The following PRORP variants were observed in gnomAD, a reference collection of about 807,000 sequenced individuals.
The protein encoded by PRORP is mitochondrial ribonuclease P catalytic subunit.
PRORP carries 51 observed loss-of-function variants against 59.4 expected under a neutral mutation model. The ratio of observed to expected loss-of-function variants is 0.86; its 90% confidence interval spans 0.69 to 1.08. The LOEUF is 1.08. Ranked by LOEUF, PRORP falls within the 50% of genes least tolerant of loss-of-function variation. The pLI, the probability that PRORP is intolerant of heterozygous loss-of-function variation, is 0.00. For missense variants in PRORP, 646 were observed against 690.3 expected, an observed-to-expected ratio of 0.94 and a Z score of 0.72; for synonymous variants, 231 against 245.6, an observed-to-expected ratio of 0.94 and a Z score of 0.55.
rs7145645 is a variant in PRORP, at chr14:35,138,716, G to T, written c.1167+11105G>T. Among the ~76,000 whole-genome samples, 3 of 144,282 alleles carry T rather than the reference G, an allele frequency of 2.1e-5. 1 individual carries two copies. The highest frequency in any genetic ancestry group is 4.9e-5 in the African/African-American group (2 of 40,780). 94.7% of individuals were successfully genotyped at this position (144,282 alleles called of 152,430 possible). A position where few individuals can be genotyped will look rare whatever the true frequency, so the allele number is the denominator to read the frequency against. On this transcript the variant is annotated intron_variant, in intron 4 of 7. Transcript: ENST00000534898. ...ATTAGATGACACCCTCTAATGTAGC[G>T]GCTTTCAACTGTGGCTGCTGGTTAG...
Position 35,123,333 on chromosome 14 carries a change from T to C in PRORP, c.88T>C (p.Ser30Pro). 1.2e-6 allele frequency: 2 copies of C among 1,614,052 alleles called. No homozygotes were observed. The highest frequency in any genetic ancestry group is 1.7e-6 in the Non-Finnish European group (2 of 1,180,042). Residue 30 changes from serine to proline, a missense_variant, in exon 2 of 8, where the codon TCG (serine) becomes CCG (proline). Transcript: ENST00000534898. The stretch of plus-strand genomic sequence containing the variant: ...GCTAGGCCCAGGGCACTCTTATGTC[T>C]CGCTGTTTCTGGCAGACCGCTGTGG... ...LGLGPGHSYVSLFLADRCGIR... is the reference protein window; with the variant it reads ...LGLGPGHSYVPLFLADRCGIR...
chr14:35,175,857 A>G (rs1360093999), intron 4 of PRORP, among the ~76,000 whole-genome samples: 20 of 152,112 alleles, frequency 1.3e-4, no homozygotes, highest in African/African-American at 3.4e-4. Context: ...TTTCTTCTAG[A>G]GTTTTTATGG....
At chr14:35,130,645 G>A (rs554044715) in intron 4 of PRORP, among the ~76,000 whole-genome samples, 6 of 151,550 alleles carry the variant, frequency 4.0e-5, no homozygotes, top group East Asian at 2.0e-4. Context: ...CACCAGACCC[G>A]GCTAATTTTT....
chr14:35,132,902 T>TTTTTG (rs142726818), intron 4 of PRORP, among the ~76,000 whole-genome samples: 2,343 of 151,258 alleles, frequency 0.015, 72 homozygotes, highest in African/African-American at 0.052. Flanking sequence ...AGTTAGTGTT[T>TTTTTG]TTTTGTTTTG....
chr14:35,195,594 A>G (rs540991676), intron 5 of PRORP, among the ~76,000 whole-genome samples: 2 of 152,238 alleles, frequency 1.3e-5, no homozygotes, highest in South Asian at 2.1e-4. Context: ...CATATTTTAA[A>G]GATAAGAAAC....
intron 5 of PRORP, among the ~76,000 whole-genome samples, chr14:35,199,312 C>T (rs796516724): frequency 2.9e-5 from 4 of 138,222 alleles, no homozygotes; most frequent in African/African-American, 1.1e-4. Context: ...TCCAGCCTGG[C>T]GAGAGAGTGA....
At chr14:35,126,034 T>A (rs1239802326) in intron 2 of PRORP, among the ~76,000 whole-genome samples, 1 of 151,760 alleles carries the variant, frequency 6.6e-6, no homozygotes, top group East Asian at 1.9e-4. Flanking sequence ...AAGAAAAAAA[T>A]AATGCTGGAA....
intron 5 of PRORP, among the ~76,000 whole-genome samples, chr14:35,193,566 A>G (rs1441715645): frequency 6.6e-6 from 1 of 151,370 alleles, no homozygotes; most frequent in Non-Finnish European, 1.5e-5. Context: ...AAAAGTTTCA[A>G]TACCATAAAG....
chr14:35,190,757 C>T (rs1292633468), intron 5 of PRORP, among the ~76,000 whole-genome samples: 1 of 152,112 alleles, frequency 6.6e-6, no homozygotes, highest in African/African-American at 2.4e-5. Context: ...GACTACTTGG[C>T]CTCCCTAAGT....
intron 5 of PRORP, among the ~76,000 whole-genome samples, chr14:35,220,649 A>C (rs1212506556): frequency 6.6e-6 from 1 of 152,232 alleles, no homozygotes; most frequent in Non-Finnish European, 1.5e-5. Flanking sequence ...AGTCTTCCTC[A>C]TGATAGCCAT....
rs2047129999 is a variant in PRORP, at chr14:35,127,602, AAC to A, written c.1161_1162del (p.Pro388SerfsTer4). On this transcript the variant is annotated frameshift_variant, in exon 4 of 8. Coordinates refer to ENST00000534898, the MANE Select transcript of PRORP (RefSeq NM_014672.4). LOFTEE classifies it high-confidence loss of function. ...IDGGDQYRKT[T>X]PQELKRFENF... ...ATGGAGGTGACCAGTACAGAAAGAC[AAC>A]ACCTCAGGTGAGTCTAACAAGTTTT... is the stretch of plus-strand genomic sequence containing the variant. 1.2e-6 allele frequency: 2 copies of A among 1,613,930 alleles called. No individual in the cohort carries two copies. Among genetic ancestry groups the A allele is most frequent in the Non-Finnish European group, 1.7e-6 (2 of 1,179,980 alleles).
At chr14:35,262,750 A>G in intron 5 of PRORP, 2 of 1,006,150 alleles carry the variant, frequency 2.0e-6, no homozygotes, top group Non-Finnish European at 3.2e-6. Context: ...GTGTATGCTC[A>G]CTTCCCCATC....
chr14:35,257,748 T>C (rs2050796247), intron 5 of PRORP, among the ~76,000 whole-genome samples: 1 of 152,288 alleles, frequency 6.6e-6, no homozygotes, highest in South Asian at 2.1e-4. Context: ...AGACATCAGA[T>C]CCCAAAGGCT....
chr14:35,213,455 A>T (rs1175088016), intron 5 of PRORP, among the ~76,000 whole-genome samples: 3 of 152,138 alleles, frequency 2.0e-5, no homozygotes, highest in Non-Finnish European at 2.9e-5. Flanking sequence ...AAATAAAGGA[A>T]AAAAACCTTT....
At chr14:35,185,501 A>G (rs2048719516) in intron 5 of PRORP, among the ~76,000 whole-genome samples, 1 of 152,226 alleles carries the variant, frequency 6.6e-6, no homozygotes, top group Non-Finnish European at 1.5e-5. Flanking sequence ...TTTTAAAGCA[A>G]GAAGAGGTTG....
At chr14:35,268,155 C>G (rs56173141) in intron 6 of PRORP, among the ~76,000 whole-genome samples, 28,642 of 151,856 alleles carry the variant, frequency 0.19, 3,456 homozygotes, top group East Asian at 0.32. Flanking sequence ...TGAGACCAGC[C>G]TGGCCAACAT....
At chr14:35,135,665 C>T (rs569557360) in intron 4 of PRORP, among the ~76,000 whole-genome samples, 5 of 152,130 alleles carry the variant, frequency 3.3e-5, no homozygotes, top group Admixed American at 1.3e-4. Context: ...GAGCCATTAA[C>T]GTGTTTTAAG....
At chr14:35,226,968 T>C (rs915292771) in intron 5 of PRORP, among the ~76,000 whole-genome samples, 1 of 151,114 alleles carries the variant, frequency 6.6e-6, no homozygotes, top group Non-Finnish European at 1.5e-5. Flanking sequence ...ACTCCTAAGC[T>C]CAAGCGATCC....
At chr14:35,195,297 T>C (rs942206379) in intron 5 of PRORP, among the ~76,000 whole-genome samples, 1 of 152,116 alleles carries the variant, frequency 6.6e-6, no homozygotes, top group African/African-American at 2.4e-5. Flanking sequence ...TCATTGTATC[T>C]CTGTAATAGC....
Sources: allele counts gnomAD v4.1 joint callset (sites outside exome capture counted in the v4.1 genomes callset), GRCh38; gene constraint gnomAD v4.1.1; transcripts MANE v1.5; gene names NCBI Gene and HGNC (gene_info 2026-07-23, HGNC 2026-07-21).